MGA: variants seen among roughly 807,000 people sequenced by gnomAD.
MGA encodes the protein MAX dimerization protein MGA, also known as MAX gene-associated protein.
A neutral mutation model predicts 261.1 loss-of-function variants in MGA; 40 were observed. That is an observed-to-expected ratio of 0.15 (90% CI 0.12 to 0.20). MGA has a LOEUF of 0.20. MGA is among the 10% of genes least tolerant of loss of function. The pLI, the probability that MGA is intolerant of heterozygous loss-of-function variation, is 1.00. For synonymous variants in MGA, 1,302 were observed against 1,290.6 expected, an observed-to-expected ratio of 1.01 and a Z score of -0.19; for missense variants, 3,397 against 3,630.5, an observed-to-expected ratio of 0.94 and a Z score of 1.65.
At chr15:41,745,780 A>AT (rs1449588475) in intron 15 of MGA, among the ~76,000 whole-genome samples, 9 of 150,702 alleles carry the variant, frequency 6.0e-5, no homozygotes, top group South Asian at 2.1e-4. Flanking sequence ...AATTTTTTTG[A>AT]TTTTCAGTAG....
At chr15:41,688,904 A>G (rs1286528814) in intron 2 of MGA, among the ~76,000 whole-genome samples, 2 of 152,146 alleles carry the variant, frequency 1.3e-5, no homozygotes, top group African/African-American at 4.8e-5. Flanking sequence ...GTATACATAT[A>G]TAGCTGCTTT....
chr15:41,714,395 T>C (rs2060525695), intron 9 of MGA, among the ~76,000 whole-genome samples: 1 of 152,244 alleles, frequency 6.6e-6, no homozygotes, highest in Non-Finnish European at 1.5e-5. Flanking sequence ...TGAACATCCA[T>C]GTTCAAGACA....
rs117400585 is a variant in MGA, at chr15:41,695,536, G to A, written c.1065-539G>A. Reference sequence around the variant, plus strand: ...CAAGATACATTGGTACAGTTCTTAGGCTTTCAATGGATGATTGGGAGGAGG... The same window carrying A: ...CAAGATACATTGGTACAGTTCTTAGACTTTCAATGGATGATTGGGAGGAGG... On this transcript the variant is annotated intron_variant, in intron 2 of 23. Coordinates refer to ENST00000219905, the MANE Select transcript of MGA (RefSeq NM_001164273.2). 1.6e-3 allele frequency among the ~76,000 whole-genome samples: 240 copies of A among 152,254 alleles called. 2 individuals are homozygous for A. The highest frequency in any genetic ancestry group is 1.7e-3 in the South Asian group (8 of 4,826).
At chr15:41,705,637 C>T (rs1595799923) in intron 5 of MGA, among the ~76,000 whole-genome samples, 2 of 152,290 alleles carry the variant, frequency 1.3e-5, no homozygotes, top group Middle Eastern at 6.8e-3. Flanking sequence ...GCAGGGATTA[C>T]AGGTGTGAGC....
intron 17 of MGA, among the ~76,000 whole-genome samples, chr15:41,753,300 C>T (rs1279511027): frequency 6.6e-6 from 1 of 151,920 alleles, no homozygotes; most frequent in Non-Finnish European, 1.5e-5. Context: ...GTCCCAACTA[C>T]TCGGGAGGCT....
intron 1 of MGA, among the ~76,000 whole-genome samples, chr15:41,661,439 A>G (rs1172119044): frequency 6.7e-6 from 1 of 148,776 alleles, no homozygotes; most frequent in Non-Finnish European, 1.5e-5. Flanking sequence ...TCGGGAGTGC[A>G]AAAGTGGTAG....
intron 1 of MGA, among the ~76,000 whole-genome samples, chr15:41,642,033 T>C (rs773733979): frequency 1.3e-5 from 2 of 152,090 alleles, no homozygotes; most frequent in Non-Finnish European, 2.9e-5. Flanking sequence ...ATTCCTGGGC[T>C]CAAGCAGTCC....
chr15:41,661,095 G>A (rs2057371938), intron 1 of MGA, among the ~76,000 whole-genome samples: 1 of 152,208 alleles, frequency 6.6e-6, no homozygotes, highest in Non-Finnish European at 1.5e-5. Context: ...AGGACGTCAA[G>A]TTTAATAAAG....
intron 9 of MGA, among the ~76,000 whole-genome samples, chr15:41,721,261 A>G (rs561616408): frequency 1.3e-5 from 2 of 152,300 alleles, no homozygotes; most frequent in South Asian, 2.1e-4. Context: ...TGTGGTCAGG[A>G]ATTCGAGACC....
Position 41,669,795 on chromosome 15 carries a change from G to A in MGA, c.901G>A (p.Glu301Lys). The change falls in exon 2 of 24, where the codon GAG (glutamate) becomes AAG (lysine). Residue 301 changes from glutamate to lysine, a missense_variant. Glu to Lys is a moderately conservative substitution (Grantham distance 56). Transcript: ENST00000219905. ...CCGTCTTACAGAAGGTCAGGGGTCAGAGATACAACCAGGTGATTTGGATCC... is the reference window on the plus strand; with the variant it reads ...CCGTCTTACAGAAGGTCAGGGGTCAAAGATACAACCAGGTGATTTGGATCC... The A allele has an allele frequency of 6.2e-7, 1 of 1,613,984 alleles. No individual in the cohort carries two copies. The highest frequency in any genetic ancestry group is 8.5e-7 in the Non-Finnish European group (1 of 1,179,880).
intron 8 of MGA, among the ~76,000 whole-genome samples, chr15:41,712,050 T>G (rs2151489463): frequency 6.6e-6 from 1 of 152,276 alleles, no homozygotes; most frequent in South Asian, 2.1e-4. Context: ...ATTAAAAACC[T>G]CTGGAGAGAA....
chr15:41,728,758 A>T (rs2061368951), intron 10 of MGA, among the ~76,000 whole-genome samples: 1 of 152,236 alleles, frequency 6.6e-6, no homozygotes. Flanking sequence ...TCAGCTGGAT[A>T]GAAAATAAGA....
At chr15:41,664,789 C>T (rs1039010351) in intron 1 of MGA, among the ~76,000 whole-genome samples, 1 of 151,870 alleles carries the variant, frequency 6.6e-6, no homozygotes, top group African/African-American at 2.4e-5. Context: ...TAATATTTTA[C>T]CTTATTTGTG....
chr15:41,766,126 G>C lies in MGA; in HGVS notation c.8044G>C (p.Asp2682His). Residue 2682 changes from aspartate (D) to histidine (H), a missense_variant, in exon 24 of 24, where the codon GAC (aspartate) becomes CAC (histidine). Transcript: ENST00000219905. ...TGAAGTTCCTGATAGCAAGCCATCTGACCATCTGAAAGACACCGTCAGGAA... is the reference window on the plus strand; with the variant it reads ...TGAAGTTCCTGATAGCAAGCCATCTCACCATCTGAAAGACACCGTCAGGAA... The C allele has an allele frequency of 6.2e-7, 1 of 1,613,980 alleles. No homozygotes were observed. The highest frequency in any genetic ancestry group is 8.5e-7 in the Non-Finnish European group (1 of 1,179,898).
intron 7 of MGA, 132 bp from the exon 8 acceptor site, chr15:41,710,559 G>A: frequency 1.1e-6 from 1 of 910,420 alleles, no homozygotes; most frequent in Non-Finnish European, 1.6e-6. Flanking sequence ...GAGTCACTGT[G>A]CCCAGCTAAG....
intron 10 of MGA, among the ~76,000 whole-genome samples, chr15:41,727,673 G>A (rs1364523470): frequency 1.3e-5 from 2 of 151,990 alleles, no homozygotes; most frequent in African/African-American, 4.8e-5. Context: ...CTTGGAAAAA[G>A]TTTTTTAAAG....
chr15:41,707,477 C>G (rs948298538), intron 5 of MGA, among the ~76,000 whole-genome samples: 1 of 152,210 alleles, frequency 6.6e-6, no homozygotes, highest in African/African-American at 2.4e-5. Context: ...AAACAAATTA[C>G]AGGCCCTGCC....
chr15:41,762,410 G>C, intron 22 of MGA, 48 bp downstream of exon 22: 2 of 1,213,922 alleles, frequency 1.6e-6, no homozygotes, highest in Non-Finnish European at 2.3e-6. Flanking sequence ...TACATCAGTT[G>C]ACTTTAGTGG....
intron 1 of MGA, among the ~76,000 whole-genome samples, chr15:41,642,693 T>C (rs2056847854): frequency 6.6e-6 from 1 of 152,112 alleles, no homozygotes; most frequent in African/African-American, 2.4e-5. Context: ...CAGGATGGTC[T>C]TGATCTCTTG....
Sources: gnomAD v4.1 joint callset for allele counts (sites outside exome capture counted in the v4.1 genomes callset) on GRCh38, gnomAD v4.1.1 for gene constraint, MANE v1.5 for transcripts, NCBI Gene and HGNC (gene_info 2026-07-23, HGNC 2026-07-21) for gene names.